SYN3: variants seen among roughly 807,000 people sequenced by gnomAD.
The protein encoded by SYN3 is synapsin III, also known as synapsin-3.
A neutral mutation model predicts 65.8 loss-of-function variants in SYN3; 35 were observed. The ratio of observed to expected loss-of-function variants is 0.53; its 90% CI spans 0.41 to 0.70. The LOEUF is 0.70. Among genes scored for constraint, SYN3 ranks in the 30% least tolerant of loss-of-function variants. The pLI, the probability that SYN3 is intolerant of heterozygous loss-of-function variation, is 0.00. For synonymous variants in SYN3, 270 were observed against 292.9 expected (o/e 0.92, Z 0.80); for missense variants, 680 against 749.0 (o/e 0.91, Z 1.08).
intron 6 of SYN3, among the ~76,000 whole-genome samples, chr22:32,817,965 A>T (rs2047131896): frequency 6.6e-6 from 1 of 152,156 alleles, no homozygotes; most frequent in Non-Finnish European, 1.5e-5. Flanking sequence ...TACCGATAGG[A>T]GCACCTTTGG....
chr22:32,774,039 C>T (rs1459056628), intron 6 of SYN3, among the ~76,000 whole-genome samples: 1 of 151,798 alleles, frequency 6.6e-6, no homozygotes, highest in Non-Finnish European at 1.5e-5. Flanking sequence ...GTGTGCTGGT[C>T]CCAAGGACAG....
At chr22:32,614,102 A>G (rs2059482926) in intron 6 of SYN3, among the ~76,000 whole-genome samples, 1 of 152,134 alleles carries the variant, frequency 6.6e-6, no homozygotes, top group African/African-American at 2.4e-5. Flanking sequence ...AACCGGCACA[A>G]AGCACTCAGC....
At chr22:32,518,775 T>C (rs2057824117) in intron 12 of SYN3, among the ~76,000 whole-genome samples, 2 of 152,202 alleles carry the variant, frequency 1.3e-5, no homozygotes, top group African/African-American at 2.4e-5. Context: ...AAGATTCTGA[T>C]AGAGTGAGTC....
chr22:33,045,079 G>A lies in SYN3; in HGVS notation c.-163+13213C>T, dbSNP rs1293164393. On this transcript the variant is annotated intron_variant, in intron 1 of 13. Transcript: ENST00000358763. ...GCTGTTCTCGAACTCCCAACCTCAG[G>A]TGATCTGCCCGCCTTGGCCTCCCAA... 3.3e-5 allele frequency among the ~76,000 whole-genome samples: 5 copies of A among 152,266 alleles called. No homozygotes were observed. In the South Asian group the frequency reaches 6.2e-4, roughly 19 times the overall value.
intron 11 of SYN3, among the ~76,000 whole-genome samples, chr22:32,528,420 G>A (rs2058017592): frequency 6.6e-6 from 1 of 152,144 alleles, no homozygotes; most frequent in Non-Finnish European, 1.5e-5. Context: ...AACTGTGGAG[G>A]GGAGGAGCGA....
intron 6 of SYN3, among the ~76,000 whole-genome samples, chr22:32,803,701 G>A (rs894622157): frequency 6.6e-6 from 1 of 152,182 alleles, no homozygotes; most frequent in Non-Finnish European, 1.5e-5. Flanking sequence ...AGTGTGGGGA[G>A]TTGCTGCTGC....
chr22:32,760,638 C>T (rs1023038893), intron 6 of SYN3, among the ~76,000 whole-genome samples: 3 of 152,152 alleles, frequency 2.0e-5, no homozygotes, highest in Non-Finnish European at 4.4e-5. Flanking sequence ...AGCCCACACC[C>T]ACAGTGCCCA....
At chr22:32,971,528 A>C (rs1432737206) in intron 3 of SYN3, among the ~76,000 whole-genome samples, 1 of 152,128 alleles carries the variant, frequency 6.6e-6, no homozygotes, top group East Asian at 1.9e-4. Context: ...TTTCAAACAC[A>C]AGGAGGTCAA....
At chr22:33,040,450 C>T (rs558880437) in intron 1 of SYN3, among the ~76,000 whole-genome samples, 40 of 152,326 alleles carry the variant, frequency 2.6e-4, no homozygotes, top group Middle Eastern at 6.8e-3. Flanking sequence ...CACTGCTCTC[C>T]ATGCATCCAA....
chr22:32,552,106 A>C (rs135482), intron 7 of SYN3, among the ~76,000 whole-genome samples: 48,043 of 152,032 alleles, frequency 0.32, 7,900 homozygotes, highest in East Asian at 0.59. Flanking sequence ...ATTAGCTGAG[A>C]GTGGTGGCGG....
intron 7 of SYN3, among the ~76,000 whole-genome samples, chr22:32,577,195 T>C (rs2058864387): frequency 6.6e-6 from 1 of 152,150 alleles, no homozygotes; most frequent in Non-Finnish European, 1.5e-5. Context: ...CTTCCCCCCA[T>C]TCTGAGCAGC....
intron 2 of SYN3, 131 bp from the exon 3 acceptor site, chr22:32,980,833 T>G (rs2052350255): frequency 1.4e-6 from 1 of 726,158 alleles, no homozygotes; most frequent in East Asian, 2.6e-5. Flanking sequence ...TCCTCCCACC[T>G]TCACTACTGA....
intron 4 of SYN3, among the ~76,000 whole-genome samples, chr22:32,910,940 A>T (rs569086300): frequency 1.3e-5 from 2 of 152,328 alleles, no homozygotes; most frequent in East Asian, 3.9e-4. Context: ...ACCTTAGATC[A>T]CACAGCTAGT....
chr22:32,951,187 C>T (rs890230772), intron 3 of SYN3, among the ~76,000 whole-genome samples: 3 of 152,104 alleles, frequency 2.0e-5, no homozygotes, highest in Non-Finnish European at 4.4e-5. Context: ...CTGATGCCTC[C>T]CCCCATCCCC....
At chr22:32,849,885 G>A (rs936790900) in intron 6 of SYN3, among the ~76,000 whole-genome samples, 5 of 152,054 alleles carry the variant, frequency 3.3e-5, no homozygotes, top group Admixed American at 6.5e-5. Context: ...ATTGTGAAAT[G>A]AGGGGGTTGG....
rs186841744 is a variant in SYN3 at position 32,706,419 on chromosome 22, T to C, written c.712-109683A>G. ...AGATAATGGGATGGCGTATTTAAAG[T>C]GTTGATGCAGAAAATGCTAAAATTA... On this transcript the variant is annotated intron_variant, in intron 6 of 13. Coordinates refer to ENST00000358763, the MANE Select transcript of SYN3 (RefSeq NM_003490.4). 2.6e-5 allele frequency among the ~76,000 whole-genome samples: 4 copies of C among 152,328 alleles called. No homozygotes were observed. In the East Asian group the frequency reaches 7.7e-4, roughly 29 times the overall value.
chr22:32,771,531 C>T (rs746442593), intron 6 of SYN3, among the ~76,000 whole-genome samples: 2 of 152,172 alleles, frequency 1.3e-5, no homozygotes, highest in Non-Finnish European at 2.9e-5. Flanking sequence ...TGACATTAGG[C>T]CAGTTACTTG....
intron 1 of SYN3, chr22:33,015,329 G>T: frequency 1.5e-6 from 1 of 673,304 alleles, no homozygotes; most frequent in African/African-American, 2.0e-5. Flanking sequence ...ACAAAGACGT[G>T]AAGAATCCAG....
intron 6 of SYN3, among the ~76,000 whole-genome samples, chr22:32,825,355 T>A (rs1021962032): frequency 1.3e-5 from 2 of 152,084 alleles, no homozygotes; most frequent in African/African-American, 4.8e-5. Context: ...ATCAGGTAAG[T>A]ATGCTAAGAT....
Sources: gnomAD v4.1 joint callset for allele counts (sites outside exome capture counted in the v4.1 genomes callset) on GRCh38, gnomAD v4.1.1 for gene constraint, MANE v1.5 for transcripts, NCBI Gene and HGNC (gene_info 2026-07-23, HGNC 2026-07-21) for gene names.